The following CNTN5 variants were observed in gnomAD, a reference collection of about 807,000 sequenced individuals.
The protein encoded by CNTN5 is contactin 5.
Under a neutral mutation model 129.1 loss-of-function variants are expected in CNTN5, and 77 were observed. That is an observed-to-expected ratio of 0.60 (90% CI 0.50 to 0.72). The LOEUF (loss-of-function observed/expected upper bound fraction) is 0.72, where lower values mean the gene tolerates loss of function less well. Among genes scored for constraint, CNTN5 ranks in the 30% least tolerant of loss-of-function variants. CNTN5 has a pLI of 0.00. For synonymous variants in CNTN5, 509 were observed against 465.6 expected, an observed-to-expected ratio of 1.09 and a Z score of -1.20; for missense variants, 1,478 against 1,328.8, an observed-to-expected ratio of 1.11 and a Z score of -1.75.
chr11:99,793,796 A>G (rs1945837988), intron 3 of CNTN5, among the ~76,000 whole-genome samples: 1 of 152,092 alleles, frequency 6.6e-6, no homozygotes, highest in African/African-American at 2.4e-5. Flanking sequence ...GGTTGATTTC[A>G]ATTTATAAAA....
chr11:99,935,773 A>C (rs1318809169), intron 7 of CNTN5, among the ~76,000 whole-genome samples: 1 of 152,100 alleles, frequency 6.6e-6, no homozygotes, highest in African/African-American at 2.4e-5. Flanking sequence ...ACTAGTTTTG[A>C]ATCTCTTTTC....
intron 6 of CNTN5, among the ~76,000 whole-genome samples, chr11:99,845,965 A>G (rs535346954): frequency 4.5e-4 from 69 of 152,228 alleles, no homozygotes; most frequent in Admixed American, 4.3e-3. Flanking sequence ...ACCATTTGCT[A>G]TGGATTTCTA....
chr11:99,933,884 C>A (rs1950245351), intron 7 of CNTN5, among the ~76,000 whole-genome samples: 1 of 152,118 alleles, frequency 6.6e-6, no homozygotes, highest in African/African-American at 2.4e-5. Flanking sequence ...TATAAATCTT[C>A]AAGTGAAGAG....
At chr11:100,050,863 A>T (rs532446129) in intron 9 of CNTN5, among the ~76,000 whole-genome samples, 1 of 152,128 alleles carries the variant, frequency 6.6e-6, no homozygotes, top group Non-Finnish European at 1.5e-5. Flanking sequence ...TTATGATAAT[A>T]AAAAGATTAA....
At chr11:99,131,578 A>T (rs932832864) in intron 1 of CNTN5, among the ~76,000 whole-genome samples, 3 of 152,156 alleles carry the variant, frequency 2.0e-5, no homozygotes, top group African/African-American at 7.2e-5. Flanking sequence ...ACCACCAATG[A>T]CCCCACAGAA....
intron 4 of CNTN5, among the ~76,000 whole-genome samples, chr11:99,823,404 G>A (rs962975643): frequency 6.6e-6 from 1 of 151,744 alleles, no homozygotes; most frequent in African/African-American, 2.4e-5. Flanking sequence ...GCCCAGATTT[G>A]TTTATTCAGG....
At chr11:99,925,697 G>C (rs986126812) in intron 7 of CNTN5, among the ~76,000 whole-genome samples, 18 of 151,950 alleles carry the variant, frequency 1.2e-4, no homozygotes, top group African/African-American at 4.3e-4. Context: ...AGAAACAAAA[G>C]AGATAATTTT....
rs180730720 is a variant in CNTN5 at position 99,960,019 on chromosome 11, C to G, written c.877+3010C>G. On this transcript the variant is annotated intron_variant, in intron 8 of 24. Transcript: ENST00000524871. Reference sequence around the variant, plus strand: ...CAAAATCCTACTCACCTCTCCCTGCCACTAAATCTCACGCTGGAGAGCCAA... The same window carrying G: ...CAAAATCCTACTCACCTCTCCCTGCGACTAAATCTCACGCTGGAGAGCCAA... Among the ~76,000 whole-genome samples the G allele has an allele frequency of 8.5e-4, 129 of 152,270 alleles. No homozygotes were observed. The South Asian group carries it at 0.011, about 13-fold the overall frequency.
intron 21 of CNTN5, among the ~76,000 whole-genome samples, chr11:100,334,303 G>C (rs1951978553): frequency 6.6e-6 from 1 of 152,114 alleles, no homozygotes; most frequent in Non-Finnish European, 1.5e-5. Context: ...TGGATGTGGT[G>C]AAAAAGTTAC....
At chr11:99,201,345 CT>C (rs1304658023) in intron 1 of CNTN5, among the ~76,000 whole-genome samples, 14 of 115,820 alleles carry the variant, frequency 1.2e-4, no homozygotes, top group African/African-American at 2.1e-4. Context: ...TCCTTCCTTC[CT>C]TTCCTTTCCT....
In CNTN5 at chr11:99,387,591, A is replaced by G. The variant is rs543586656; in HGVS notation, c.-71+62107A>G. Among the ~76,000 whole-genome samples, 451 of 152,286 alleles carry G rather than the reference A, an allele frequency of 3.0e-3. 5 individuals are homozygous for G. The highest frequency in any genetic ancestry group is 3.2e-3 in the Non-Finnish European group (219 of 68,012). On this transcript the variant is annotated intron_variant, in intron 2 of 24. Coordinates refer to ENST00000524871, the MANE Select transcript of CNTN5 (RefSeq NM_014361.4). ...GCTATCAACCTGACACCTAGTAATC[A>G]TGAAATGTCCATCCACTCAGTAGAA...
chr11:99,788,870 C>T (rs547203244), intron 3 of CNTN5, among the ~76,000 whole-genome samples: 1 of 151,744 alleles, frequency 6.6e-6, no homozygotes, highest in Non-Finnish European at 1.5e-5. Flanking sequence ...ATTAAGGGGG[C>T]TCAATTTCAG....
chr11:99,759,116 C>T (rs1189082873), intron 3 of CNTN5, among the ~76,000 whole-genome samples: 1 of 151,898 alleles, frequency 6.6e-6, no homozygotes, highest in East Asian at 1.9e-4. Context: ...GGGTGTTCTC[C>T]CCATTATGCA....
intron 1 of CNTN5, among the ~76,000 whole-genome samples, chr11:99,060,620 A>G (rs942988875): frequency 3.9e-5 from 6 of 151,974 alleles, no homozygotes; most frequent in African/African-American, 1.4e-4. Flanking sequence ...TTTTCATTAT[A>G]GAGAAGCTAT....
chr11:100,309,475 T>C, intron 21 of CNTN5: 1 of 967,202 alleles, frequency 1.0e-6, no homozygotes, highest in Non-Finnish European at 1.2e-6. Context: ...GGGAAACCAT[T>C]ACCTACTTAT....
chr11:99,821,326 T>G (rs1048661917), intron 4 of CNTN5, among the ~76,000 whole-genome samples: 1 of 152,176 alleles, frequency 6.6e-6, no homozygotes, highest in Admixed American at 6.6e-5. Flanking sequence ...GGACATAAGA[T>G]GGAGCCAGCT....
chr11:99,698,876 A>G (rs1408835204), intron 3 of CNTN5, among the ~76,000 whole-genome samples: 4 of 149,614 alleles, frequency 2.7e-5, no homozygotes, highest in African/African-American at 9.8e-5. Flanking sequence ...TTAAATAAGT[A>G]GTATAGACAG....
rs1321583748 is a variant in CNTN5 at position 99,464,707 on chromosome 11, C to T, written c.-70-91438C>T. Among the ~76,000 whole-genome samples the T allele has an allele frequency of 2.0e-5, 3 of 152,132 alleles. No homozygotes were observed. The East Asian group carries it at 5.8e-4, about 29-fold the overall frequency. On this transcript the variant is annotated intron_variant, in intron 2 of 24. Transcript: ENST00000524871. ...AATTGGTTGAAGTTGAAACTGTATA[C>T]ATTTGGATTAATTTGAGGTTGTTGG...
At chr11:99,159,238 A>G (rs565395053) in intron 1 of CNTN5, among the ~76,000 whole-genome samples, 1 of 152,332 alleles carries the variant, frequency 6.6e-6, no homozygotes, top group Non-Finnish European at 1.5e-5. Context: ...TTAAAAATAT[A>G]TATCTAATTT....
Sources: allele counts gnomAD v4.1 joint callset (sites outside exome capture counted in the v4.1 genomes callset), GRCh38; gene constraint gnomAD v4.1.1; transcripts MANE v1.5; gene names NCBI Gene and HGNC (gene_info 2026-07-23, HGNC 2026-07-21).